Variants in TRIM71 observed in about 807,000 individuals in gnomAD.
TRIM71 encodes E3 ubiquitin-protein ligase TRIM71.
A neutral mutation model predicts 61.2 loss-of-function variants in TRIM71; 9 were observed. The ratio of observed to expected loss-of-function variants is 0.15; its 90% CI spans 0.09 to 0.26. The LOEUF is 0.26. Among genes scored for constraint, TRIM71 ranks in the 10% least tolerant of loss-of-function variants. The probability of loss-of-function intolerance (pLI) is 1.00; values close to 1 mark genes in which losing one functional copy is unlikely to be tolerated. For missense variants in TRIM71, 998 were observed against 1,238.7 expected (o/e 0.81, Z 2.92); for synonymous variants, 645 against 553.2 (o/e 1.17, Z -2.33).
Position 32,859,018 on chromosome 3 carries a change from C to T in TRIM71, c.853-14800C>T, listed in dbSNP as rs191714000. On this transcript the variant is annotated intron_variant, in intron 1 of 3. Coordinates refer to ENST00000383763, the MANE Select transcript of TRIM71 (RefSeq NM_001039111.3). ...GATGGTGAGGCTCTGCCCCTCACCACTTTTATAGGGCAGAAGTGTGGGGTT... is the reference window on the plus strand; with the variant it reads ...GATGGTGAGGCTCTGCCCCTCACCATTTTTATAGGGCAGAAGTGTGGGGTT... 2.0e-5 allele frequency among the ~76,000 whole-genome samples: 3 copies of T among 152,198 alleles called. No homozygotes were observed. In the East Asian group the frequency reaches 5.8e-4, roughly 29 times the overall value.
chr3:32,883,507 G>A (rs1338222676), intron 2 of TRIM71, among the ~76,000 whole-genome samples: 2 of 152,200 alleles, frequency 1.3e-5, no homozygotes, highest in Middle Eastern at 3.2e-3. Flanking sequence ...TGGTCTTCAC[G>A]TGGCTTTGTT....
intron 2 of TRIM71, among the ~76,000 whole-genome samples, chr3:32,885,299 T>G (rs1489542850): frequency 5.9e-5 from 9 of 152,186 alleles, no homozygotes; most frequent in Admixed American, 3.9e-4. Flanking sequence ...ATAATACGTC[T>G]GATTAAACTG....
chr3:32,887,502 T>TC (rs1491339414), intron 3 of TRIM71, among the ~76,000 whole-genome samples: 2 of 116,370 alleles, frequency 1.7e-5, no homozygotes, highest in African/African-American at 6.6e-5. Context: ...TTTTTTTTTT[T>TC]CTGTTCCTTC....
chr3:32,870,574 C>T (rs1172085343), intron 1 of TRIM71, among the ~76,000 whole-genome samples: 3 of 152,130 alleles, frequency 2.0e-5, no homozygotes, highest in Non-Finnish European at 4.4e-5. Context: ...GCTCAGGGCA[C>T]CCTGCCTTTC....
chr3:32,818,879 A>G lies in TRIM71; in HGVS notation c.799A>G (p.Ile267Val). Reference sequence around the variant, plus strand: ...GCCCTTTCCCGGCCCGCCCTTCTCCATCCTCTCAGTGTTTCCCGAGCGCCT... The same window carrying G: ...GCCCTTTCCCGGCCCGCCCTTCTCCGTCCTCTCAGTGTTTCCCGAGCGCCT... ...GPPFPGPPFS[I>V]LSVFPERLGF... The change falls in exon 1 of 4, where the codon ATC becomes GTC. Residue 267 changes from isoleucine to valine, a missense_variant. Coordinates refer to ENST00000383763, the MANE Select transcript of TRIM71 (RefSeq NM_001039111.3). The G allele has an allele frequency of 6.2e-7, 1 of 1,612,100 alleles. No individual in the cohort carries two copies. The highest frequency in any genetic ancestry group is 8.5e-7 in the Non-Finnish European group (1 of 1,179,628).
chr3:32,849,720 C>A (rs971992097), intron 1 of TRIM71, among the ~76,000 whole-genome samples: 4 of 152,220 alleles, frequency 2.6e-5, no homozygotes, highest in African/African-American at 9.6e-5. Context: ...AACAAGCCTC[C>A]TTCCCCTTCC....
chr3:32,838,650 G>A (rs1265599922), intron 1 of TRIM71, among the ~76,000 whole-genome samples: 3 of 151,736 alleles, frequency 2.0e-5, no homozygotes, highest in Non-Finnish European at 2.9e-5. Context: ...AAGCTCTTTG[G>A]TCCTTGGAGG....
rs140935558 is a variant in TRIM71 at position 32,852,363 on chromosome 3, C to CT, written c.853-21454dup. The stretch of plus-strand genomic sequence containing the variant: ...CATATGTCCACTACTGGGTTTATGC[C>CT]TGAGGGTGTTGTGTAGAAATTTGAA... On this transcript the variant is annotated intron_variant, in intron 1 of 3. Transcript: ENST00000383763. 9.4e-3 allele frequency among the ~76,000 whole-genome samples: 1,431 copies of CT among 152,202 alleles called. 18 individuals carry two copies. The highest frequency in any genetic ancestry group is 0.032 in the African/African-American group (1,341 of 41,500).
chr3:32,839,320 T>TC (rs1250324714), intron 1 of TRIM71, among the ~76,000 whole-genome samples: 3 of 152,082 alleles, frequency 2.0e-5, no homozygotes, highest in African/African-American at 7.2e-5. Flanking sequence ...AACCTCTGCC[T>TC]CCCGGGTTCA....
At chr3:32,826,468 T>C (rs1259777204) in intron 1 of TRIM71, among the ~76,000 whole-genome samples, 1 of 152,076 alleles carries the variant, frequency 6.6e-6, no homozygotes, top group Non-Finnish European at 1.5e-5. Flanking sequence ...ACCTGAGTTT[T>C]AGAGATACTC....
intron 1 of TRIM71, among the ~76,000 whole-genome samples, chr3:32,864,539 G>C (rs1437022624): frequency 6.6e-6 from 1 of 152,188 alleles, no homozygotes; most frequent in African/African-American, 2.4e-5. Context: ...GCTGGTGCCC[G>C]CTGGGTTCGC....
At chr3:32,868,700 T>TA (rs1230451614) in intron 1 of TRIM71, among the ~76,000 whole-genome samples, 65 of 150,396 alleles carry the variant, frequency 4.3e-4, no homozygotes, top group South Asian at 1.5e-3. Context: ...TTTTTTTTTT[T>TA]AAAAAACTGT....
chr3:32,843,228 C>A (rs116210728), intron 1 of TRIM71, among the ~76,000 whole-genome samples: 1 of 152,132 alleles, frequency 6.6e-6, no homozygotes, highest in Non-Finnish European at 1.5e-5. Flanking sequence ...CTTTCACCCC[C>A]CAAGATCTGG....
intron 1 of TRIM71, among the ~76,000 whole-genome samples, chr3:32,819,287 G>A (rs916943642): frequency 1.3e-5 from 2 of 151,954 alleles, no homozygotes; most frequent in African/African-American, 4.8e-5. Flanking sequence ...TGCTCTTGTG[G>A]GCACACCAGA....
intron 1 of TRIM71, among the ~76,000 whole-genome samples, chr3:32,822,682 A>G (rs1479900701): frequency 6.6e-6 from 1 of 152,214 alleles, no homozygotes; most frequent in Non-Finnish European, 1.5e-5. Flanking sequence ...TCTTGCATAA[A>G]TTATAAAATC....
In TRIM71 at chr3:32,821,186, G is replaced by A. The variant is rs183776133; in HGVS notation, c.852+2254G>A. ...GTCATCCCTCTCTGGCTGGGAAGGA[G>A]CTTTAGGACATTTTTGGAGGATGAT... On this transcript the variant is annotated intron_variant, in intron 1 of 3. Coordinates refer to ENST00000383763, the MANE Select transcript of TRIM71 (RefSeq NM_001039111.3). Among the ~76,000 whole-genome samples, 13 of 152,290 alleles carry A rather than the reference G, an allele frequency of 8.5e-5. No homozygotes were observed. In the South Asian group the frequency reaches 2.1e-3, roughly 24 times the overall value.
chr3:32,842,765 C>A (rs548867215), intron 1 of TRIM71, among the ~76,000 whole-genome samples: 2 of 152,184 alleles, frequency 1.3e-5, no homozygotes, highest in South Asian at 4.2e-4. Context: ...ATCCCCATCT[C>A]CCCACCCCCA....
intron 1 of TRIM71, among the ~76,000 whole-genome samples, chr3:32,843,878 G>A (rs1696440062): frequency 7.2e-6 from 1 of 138,460 alleles, no homozygotes; most frequent in African/African-American, 2.6e-5. Flanking sequence ...GGCCCTGCCC[G>A]CCCACCCTGC....
intron 1 of TRIM71, among the ~76,000 whole-genome samples, chr3:32,824,189 T>G (rs2125673909): frequency 6.6e-6 from 1 of 152,306 alleles, no homozygotes; most frequent in East Asian, 1.9e-4. Flanking sequence ...CCTTTTGTTT[T>G]TTTCTGAGAT....
Sources: allele counts gnomAD v4.1 joint callset (sites outside exome capture counted in the v4.1 genomes callset), GRCh38; gene constraint gnomAD v4.1.1; transcripts MANE v1.5; gene names NCBI Gene and HGNC (gene_info 2026-07-23, HGNC 2026-07-21).